ADGRE3: variants seen among roughly 807,000 people sequenced by gnomAD.
The protein encoded by ADGRE3 is adhesion G protein-coupled receptor E3.
Under a neutral mutation model 80.1 loss-of-function variants are expected in ADGRE3, and 88 were observed. The ratio of observed to expected loss-of-function variants is 1.10; its 90% CI spans 0.93 to 1.31. The LOEUF is 1.31. Among genes scored for constraint, ADGRE3 ranks in the 40% most tolerant of loss-of-function variants. The pLI is 0.00. For synonymous variants in ADGRE3, 281 were observed against 294.8 expected (o/e 0.95, Z 0.48); for missense variants, 715 against 776.5 (o/e 0.92, Z 0.94).
At chr19:14,636,075 C>CCCTTTCTTTCTTTCTTTCTTTCTTTCTTT (rs1555755774) in intron 11 of ADGRE3, among the ~76,000 whole-genome samples, 1 of 70,592 alleles carries the variant, frequency 1.4e-5, no homozygotes, top group African/African-American at 5.7e-5. Context: ...CCTTTCCTTT[C>CCCTTTCTTTCTTTCTTTCTTTCTTTCTTT]CTTTCCCTTT....
chr19:14,611,373 T>TTA, the ADGRE3 span, among the ~76,000 whole-genome samples: 1 of 16,290 alleles, frequency 6.1e-5, no homozygotes, highest in Non-Finnish European at 1.3e-4. Flanking sequence ...CTTCTATCCT[T>TTA]TTTTTTTTTT....
intron 2 of ADGRE3, among the ~76,000 whole-genome samples, chr19:14,666,892 C>A (rs1972120714): frequency 2.0e-5 from 3 of 152,170 alleles, no homozygotes; most frequent in South Asian, 2.1e-4. Context: ...TAATACCTTA[C>A]CATACTGAGT....
At chr19:14,618,846 CAAAAAAAAAAAAAAAA>C (rs771965258), downstream of ADGRE3, among the ~76,000 whole-genome samples, 1 of 61,958 alleles carries the variant, frequency 1.6e-5, no homozygotes, top group Non-Finnish European at 2.8e-5. Context: ...AACTCCATCT[CAAAAAAAAAAAAAAAA>C]AAAAAAAAAT....
chr19:14,654,648 T>A lies in ADGRE3; in HGVS notation c.577+334A>T, dbSNP rs543812368. Among the ~76,000 whole-genome samples the A allele has an allele frequency of 1.2e-4, 19 of 152,284 alleles. 1 individual carries two copies. The South Asian group carries it at 3.9e-3, about 32-fold the overall frequency. On this transcript the variant is annotated intron_variant, in intron 6 of 15. Coordinates refer to ENST00000253673, the MANE Select transcript of ADGRE3 (RefSeq NM_032571.5). ...CTGAATAAACAACTTTATTGAGGTATAATTGATGTCTAACCAACTGCACAT... is the reference window on the plus strand; with the variant it reads ...CTGAATAAACAACTTTATTGAGGTAAAATTGATGTCTAACCAACTGCACAT...
chr19:14,643,647 G>C (rs79998310), intron 9 of ADGRE3, among the ~76,000 whole-genome samples: 1,841 of 152,198 alleles, frequency 0.012, 29 homozygotes, highest in African/African-American at 0.042. Context: ...ACTTTCCTGG[G>C]AGAGGACACT....
chr19:14,656,156 A>G (rs1971750583), intron 5 of ADGRE3, among the ~76,000 whole-genome samples: 2 of 151,814 alleles, frequency 1.3e-5, no homozygotes, highest in South Asian at 4.2e-4. Flanking sequence ...GACCAGTCTG[A>G]CCAACATGGT....
At position 14,628,796 on chromosome 19, in the gene ADGRE3, A is replaced by G. The variant is rs187777691; in HGVS notation, c.1812+1243T>C. On this transcript the variant is annotated intron_variant, in intron 14 of 15. Transcript: ENST00000253673. ...CCTGGAATGTGACCTAGTTTGGGAC[A>G]GTGACAGCTTTAAGGGGCAGATATC... The G allele has an allele frequency of 1.5e-4, 37 of 249,866 alleles. No homozygotes were observed. The Admixed American group carries it at 1.8e-3, about 12-fold the overall frequency. 15.5% of individuals were successfully genotyped at this position (249,866 alleles called of 1,614,324 possible).
At chr19:14,651,727 C>A (rs62124054) in intron 6 of ADGRE3, among the ~76,000 whole-genome samples, 43,671 of 151,986 alleles carry the variant, frequency 0.29, 6,781 homozygotes, top group African/African-American at 0.39. Context: ...AGATGTTCAA[C>A]AAGAGGTGAT....
intron 15 of ADGRE3, among the ~76,000 whole-genome samples, chr19:14,620,597 T>TTTTTTTTTTTA (rs1970579497): frequency 1.3e-5 from 1 of 77,372 alleles, no homozygotes; most frequent in East Asian, 3.6e-4. Flanking sequence ...TTTTTTTTTT[T>TTTTTTTTTTTA]GAGACAGGGT....
chr19:14,607,050 A>G, the ADGRE3 span: 342 of 1,353,694 alleles, frequency 2.5e-4, no homozygotes, highest in Non-Finnish European at 3.2e-4. Flanking sequence ...GCTGAATGAC[A>G]GGGCCCAGGA....
At chr19:14,656,884 A>T (rs532376092) in intron 5 of ADGRE3, among the ~76,000 whole-genome samples, 1 of 151,926 alleles carries the variant, frequency 6.6e-6, no homozygotes, top group African/African-American at 2.4e-5. Context: ...CTTAACTCCT[A>T]TATCATTGTG....
At chr19:14,637,069 G>A (rs10421316) in intron 11 of ADGRE3, among the ~76,000 whole-genome samples, 18,488 of 152,034 alleles carry the variant, frequency 0.12, 1,235 homozygotes, top group African/African-American at 0.18. Context: ...ACTCCAGCCT[G>A]GGCAACAAGA....
intron 13 of ADGRE3, among the ~76,000 whole-genome samples, chr19:14,631,763 T>C (rs1418002964): frequency 6.6e-6 from 1 of 152,058 alleles, no homozygotes; most frequent in East Asian, 1.9e-4. Flanking sequence ...GTGATCCTAT[T>C]GTGTGTGTGT....
At position 14,619,476 on chromosome 19, in the gene ADGRE3, A is replaced by G; in HGVS notation, c.1921-5T>C. ...TTGTCCTGGAAAAACATCCCCCTAT[A>G]AAAGAGGTTTAGATTAAAGGTGGAT... On this transcript the variant is annotated splice_region_variant and splice_polypyrimidine_tract_variant and intron_variant, in intron 15 of 15. Coordinates refer to ENST00000253673, the MANE Select transcript of ADGRE3 (RefSeq NM_032571.5). The G allele has an allele frequency of 6.3e-7, 1 of 1,592,810 alleles. No individual in the cohort carries two copies. The highest frequency in any genetic ancestry group is 1.1e-5 in the South Asian group (1 of 90,326).
At chr19:14,670,571 GAGCCCTTT>G (rs1349284857) in intron 1 of ADGRE3, among the ~76,000 whole-genome samples, 2 of 152,290 alleles carry the variant, frequency 1.3e-5, no homozygotes, top group Admixed American at 1.3e-4. Flanking sequence ...GGCTGGTAAA[GAGCCCTTT>G]GCTCTTCCCC....
In ADGRE3 at chr19:14,663,751, ATTGT is replaced by A. The variant is rs1414770552; in HGVS notation, c.77-215_77-212del. ...CTACTCAGGAGGCTGAGGCAGGAGA[ATTGT>A]TTGAACCTGTGAGGCGGAGATTGCA... On this transcript the variant is annotated intron_variant, in intron 2 of 15. Coordinates refer to ENST00000253673, the MANE Select transcript of ADGRE3 (RefSeq NM_032571.5). 2.0e-5 allele frequency among the ~76,000 whole-genome samples: 3 copies of A among 151,786 alleles called. No homozygotes were observed. The East Asian group carries it at 5.9e-4, about 30-fold the overall frequency.
At chr19:14,658,045 G>A (rs113052770) in intron 5 of ADGRE3, among the ~76,000 whole-genome samples, 1 of 152,010 alleles carries the variant, frequency 6.6e-6, no homozygotes, top group Middle Eastern at 3.2e-3. Flanking sequence ...GATTACAGGC[G>A]TGAGCCACCA....
intron 8 of ADGRE3, among the ~76,000 whole-genome samples, chr19:14,646,749 T>TTC (rs1470819899): frequency 2.0e-5 from 3 of 149,158 alleles, no homozygotes; most frequent in East Asian, 4.0e-4. Context: ...TTTGTTTCTT[T>TTC]GTTTCTTTTC....
chr19:14,638,262 G>A lies in ADGRE3; in HGVS notation c.1327C>T (p.His443Tyr). The change falls in exon 11 of 16, where the codon CAC becomes TAC. Residue 443 changes from histidine (H) to tyrosine (Y), a missense_variant. Transcript: ENST00000253673. ...AFTWMLLEGV[H>Y]LFLTARNLTV... is the part of the protein sequence containing the mutation. ...AGGTTCCGTGCAGTGAGGAAGAGGT[G>A]CACACCCTCCAGCAGCATCCAGGTG... 6.2e-7 allele frequency: 1 copy of A among 1,614,148 alleles called. No individual in the cohort carries two copies.
Sources: gnomAD v4.1 joint callset for allele counts (sites outside exome capture counted in the v4.1 genomes callset) on GRCh38, gnomAD v4.1.1 for gene constraint, MANE v1.5 for transcripts, NCBI Gene and HGNC (gene_info 2026-07-23, HGNC 2026-07-21) for gene names.